Variants in FBN3 observed in about 807,000 individuals in gnomAD.
FBN3 encodes fibrillin-3.
In FBN3, 234 loss-of-function variants were observed where a neutral mutation model predicts 330.1. The ratio of observed to expected loss-of-function variants is 0.71; its 90% confidence interval spans 0.64 to 0.79. The LOEUF (loss-of-function observed/expected upper bound fraction) is 0.79. FBN3 is among the 30% of genes least tolerant of loss of function. The pLI is 0.00. For missense variants in FBN3, 3,606 were observed against 3,886.9 expected (o/e 0.93, Z 1.92); for synonymous variants, 1,458 against 1,517.3 (o/e 0.96, Z 0.91).
intron 34 of FBN3, among the ~76,000 whole-genome samples, chr19:8,110,151 G>A (rs62126080): frequency 3.9e-4 from 60 of 152,318 alleles, no homozygotes; most frequent in African/African-American, 1.4e-3. Context: ...AAACTCCTGG[G>A]CTCAAGCGAT....
chr19:8,087,212 C>T lies in FBN3; in HGVS notation c.6620-1G>A. On this transcript the variant is annotated splice_acceptor_variant, in intron 53 of 63. Coordinates refer to ENST00000600128, the MANE Select transcript of FBN3 (RefSeq NM_032447.5). LOFTEE classifies it high-confidence loss of function. Reference sequence around the variant, plus strand: ...TGACCATCTGCACACTCGTCCACATCTTCGGATGACCAGAGACAGATGGTC... The same window carrying T: ...TGACCATCTGCACACTCGTCCACATTTTCGGATGACCAGAGACAGATGGTC... 1 of 1,586,092 alleles carries T rather than the reference C, an allele frequency of 6.3e-7. No individual in the cohort carries two copies. Among genetic ancestry groups the T allele is most frequent in the Non-Finnish European group, 8.6e-7 (1 of 1,168,078 alleles).
In FBN3 at chr19:8,096,583, G is replaced by A. The variant is rs1599329380; in HGVS notation, c.5414-14C>T. On this transcript the variant is annotated splice_polypyrimidine_tract_variant and intron_variant, in intron 43 of 63. Coordinates refer to ENST00000600128, the MANE Select transcript of FBN3 (RefSeq NM_032447.5). The surrounding 1 kb of genome is among the most constrained non-coding windows in gnomAD (Gnocchi z 4.6). ...ACTCATTCCGTCCTGGGGGTGCAGA[G>A]AGCATGGTGTTCCCAGGGCTCCTAC... 2 of 1,603,154 alleles carry A rather than the reference G, an allele frequency of 1.2e-6. No homozygotes were observed. Among genetic ancestry groups the A allele is most frequent in the Non-Finnish European group, 1.7e-6 (2 of 1,175,086 alleles).
chr19:8,076,806 G>A (rs768419454), intron 59 of FBN3, among the ~76,000 whole-genome samples: 1 of 151,942 alleles, frequency 6.6e-6, no homozygotes, highest in Non-Finnish European at 1.5e-5. Context: ...CTGTCCCCTG[G>A]GCTGGAGTGA....
At position 8,065,866 on chromosome 19, in the gene FBN3, G is replaced by T; in HGVS notation, c.*53C>A. 1 of 1,395,014 alleles carries T rather than the reference G, an allele frequency of 7.2e-7. No homozygotes were observed. Among genetic ancestry groups the T allele is most frequent in the Non-Finnish European group, 9.8e-7 (1 of 1,022,008 alleles). The allele number at this position is 1,395,014 out of a possible 1,614,324, so 86.4% of individuals were successfully genotyped here. On this transcript the variant is annotated 3_prime_UTR_variant, in exon 64 of 64. Transcript: ENST00000600128. ...CGCTTCTGGGGATCAGTCCTTCCCA[G>T]TTCCAGAATCCCCCTTCTCTGGACA... is the stretch of plus-strand genomic sequence containing the variant.
rs769724149 is a variant in FBN3 at position 8,091,495 on chromosome 19, C to T, written c.6001G>A (p.Val2001Ile). ...SFQCLCPPGF[V>I]LSDNGHRCFD... ...CAACGGTGCCCATTGTCAGAGAGGACAAAGCCAGGTGGGCAGAGGCACTGG... is the reference window on the plus strand; with the variant it reads ...CAACGGTGCCCATTGTCAGAGAGGATAAAGCCAGGTGGGCAGAGGCACTGG... The change falls in exon 48 of 64, where the codon GTC becomes ATC. Residue 2001 changes from valine to isoleucine, a missense_variant. Transcript: ENST00000600128. The T allele has an allele frequency of 3.1e-6, 5 of 1,614,060 alleles. No individual in the cohort carries two copies. The African/African-American group carries it at 4.0e-5, about 13-fold the overall frequency.
chr19:8,105,305 T>G (rs1439253601), intron 38 of FBN3, among the ~76,000 whole-genome samples: 1 of 151,254 alleles, frequency 6.6e-6, no homozygotes, highest in African/African-American at 2.4e-5. Context: ...TCACCCAGGC[T>G]GGAGTACAGT....
rs2082530255 is a variant in FBN3 at position 8,109,587 on chromosome 19, C to A, written c.4456+44G>T. ...CCCAGTGGGGCAATCCCACCCACCTCTGCTGACCCCAGAACCCTGATCTGG... is the reference window on the plus strand; with the variant it reads ...CCCAGTGGGGCAATCCCACCCACCTATGCTGACCCCAGAACCCTGATCTGG... On this transcript the variant is annotated intron_variant, in intron 35 of 63. Coordinates refer to ENST00000600128, the MANE Select transcript of FBN3 (RefSeq NM_032447.5). This position sits in a 1 kb window ranked among gnomAD's most constrained non-coding sequence, Gnocchi z 5.2. The A allele has an allele frequency of 1.3e-6, 2 of 1,565,244 alleles. No individual in the cohort carries two copies.
At position 8,136,951 on chromosome 19, in the gene FBN3, A is replaced by G. The variant is rs1376583456; in HGVS notation, c.1202-420T>C. 4.5e-3 allele frequency among the ~76,000 whole-genome samples: 345 copies of G among 77,434 alleles called. 2 individuals carry two copies. Among genetic ancestry groups the G allele is most frequent in the African/African-American group, 7.8e-3 (115 of 14,820 alleles). The allele number at this position is 77,434 out of a possible 152,430, so 50.8% of individuals were successfully genotyped here. A position where few individuals can be genotyped will look rare whatever the true frequency, so the allele number is the denominator to read the frequency against. ...CCTGGATCCCTCCAACCTGGGGTCTAGATACCTCCAACCTGGGGCCTGGAT... is the reference window on the plus strand; with the variant it reads ...CCTGGATCCCTCCAACCTGGGGTCTGGATACCTCCAACCTGGGGCCTGGAT... On this transcript the variant is annotated intron_variant, in intron 10 of 63. Transcript: ENST00000600128.
intron 56 of FBN3, among the ~76,000 whole-genome samples, chr19:8,084,735 C>T (rs1040725163): frequency 5.9e-5 from 9 of 151,740 alleles, no homozygotes; most frequent in Admixed American, 2.0e-4. Flanking sequence ...TACAGACACA[C>T]GCCACCAAAT....
At chr19:8,128,860 C>T (rs1034704565) in intron 18 of FBN3, among the ~76,000 whole-genome samples, 168 bp downstream of exon 18, 2 of 151,696 alleles carry the variant, frequency 1.3e-5, no homozygotes, top group Non-Finnish European at 2.9e-5. Context: ...AGTATCTGAG[C>T]GTGTGCATAT....
At chr19:8,106,694 T>G (rs1599356168) in intron 37 of FBN3, among the ~76,000 whole-genome samples, 1 of 151,648 alleles carries the variant, frequency 6.6e-6, no homozygotes, top group African/African-American at 2.4e-5. Context: ...GATGGATAGG[T>G]GAGTAGACAG....
intron 16 of FBN3, among the ~76,000 whole-genome samples, chr19:8,130,340 T>TAA (rs137977549): frequency 2.8e-4 from 38 of 133,488 alleles, no homozygotes; most frequent in South Asian, 7.2e-4. Flanking sequence ...TCATCTCTAC[T>TAA]AAAAAAAAAA....
At chr19:8,080,967 T>C (rs2081765283) in intron 59 of FBN3, 36 bp downstream of exon 59, 4 of 1,436,584 alleles carry the variant, frequency 2.8e-6, no homozygotes, top group Non-Finnish European at 3.9e-6. Flanking sequence ...GCTGGGGTCA[T>C]GGGTCACCTC....
chr19:8,099,387 T>C (rs1389532359), intron 41 of FBN3, among the ~76,000 whole-genome samples: 1 of 147,906 alleles, frequency 6.8e-6, no homozygotes, highest in African/African-American at 2.5e-5. Flanking sequence ...TTCACGCCAT[T>C]CTCCTGCCTC....
At chr19:8,101,269 C>T (rs1209376816) in intron 40 of FBN3, among the ~76,000 whole-genome samples, 3 of 152,128 alleles carry the variant, frequency 2.0e-5, no homozygotes, top group Admixed American at 6.5e-5. Context: ...GGATTACAGG[C>T]GTGAGCCACG....
At chr19:8,097,975 G>C (rs74809476) in intron 41 of FBN3, among the ~76,000 whole-genome samples, 1 of 152,194 alleles carries the variant, frequency 6.6e-6, no homozygotes, top group African/African-American at 2.4e-5. Flanking sequence ...GTTGCCAGGG[G>C]CAGAAGGGAG....
chr19:8,123,768 C>G lies in FBN3; in HGVS notation c.2956+16G>C. 6.2e-7 allele frequency: 1 copy of G among 1,612,498 alleles called. No homozygotes were observed. On this transcript the variant is annotated intron_variant, in intron 23 of 63. Transcript: ENST00000600128. ...TCCCCATCCTTCCAGGGGCCTGACC[C>G]CTTCCCCAACCGCACCTTTATAGAA...
rs764671280 is a variant in FBN3, at chr19:8,129,321, C to G, written c.2089G>C (p.Val697Leu). 1 of 1,614,162 alleles carries G rather than the reference C, an allele frequency of 6.2e-7. No individual in the cohort carries two copies. The highest frequency in any genetic ancestry group is 2.2e-5 in the East Asian group (1 of 44,882). The change falls in exon 17 of 64, where the codon GTG becomes CTG. Residue 697 changes from valine (V) to leucine (L), a missense_variant. By Grantham distance (32) the Val-to-Leu change is conservative. Transcript: ENST00000600128. This position sits in a 1 kb window ranked among gnomAD's most constrained non-coding sequence, Gnocchi z 4.5. ...TAGCTGCCCCGAAGGTTCTCGCACA[C>G]GCCATTGGCACAAACCTCAGGATCC... ...ALDPEVCANG[V>L]CENLRGSYRC...
chr19:8,137,863 A>G (rs1435264424), intron 10 of FBN3, among the ~76,000 whole-genome samples: 2 of 152,026 alleles, frequency 1.3e-5, no homozygotes, highest in Non-Finnish European at 2.9e-5. Context: ...CCTGGCCTCA[A>G]GTGATCCTTC....
Sources: allele counts gnomAD v4.1 joint callset (sites outside exome capture counted in the v4.1 genomes callset), GRCh38; gene constraint gnomAD v4.1.1; non-coding constraint Gnocchi (gnomAD v3.1); transcripts MANE v1.5; gene names NCBI Gene and HGNC (gene_info 2026-07-23, HGNC 2026-07-21).